Variants in ERBB4 observed in about 807,000 individuals in gnomAD.
The protein encoded by ERBB4 is erb-b2 receptor tyrosine kinase 4.
ERBB4 carries 42 observed loss-of-function variants against 158.0 expected under a neutral mutation model. The observed-to-expected ratio is 0.27, with a 90% CI of 0.21 to 0.34. ERBB4 has a LOEUF of 0.34. Among genes scored for constraint, ERBB4 ranks in the 10% least tolerant of loss-of-function variants. The probability of loss-of-function intolerance (pLI) is 1.00; values close to 1 mark genes in which losing one functional copy is unlikely to be tolerated. For missense variants in ERBB4, 1,333 were observed against 1,624.1 expected (o/e 0.82, Z 3.08); for synonymous variants, 583 against 558.7 (o/e 1.04, Z -0.61).
chr2:211,559,089 G>A (rs1231352743), intron 20 of ERBB4, among the ~76,000 whole-genome samples: 6 of 151,950 alleles, frequency 3.9e-5, no homozygotes, highest in African/African-American at 9.7e-5. Context: ...TCCTACAAAT[G>A]TTCATCCCCC....
intron 2 of ERBB4, among the ~76,000 whole-genome samples, 196 bp from the exon 3 acceptor site, chr2:211,947,812 G>GT (rs1451366557): frequency 6.6e-6 from 1 of 152,196 alleles, no homozygotes; most frequent in African/African-American, 2.4e-5. Context: ...TGAAGTATAA[G>GT]TTGTGTTTCT....
intron 7 of ERBB4, among the ~76,000 whole-genome samples, chr2:211,715,965 T>C (rs187361659): frequency 5.2e-4 from 79 of 152,340 alleles, no homozygotes; most frequent in African/African-American, 1.6e-3. Flanking sequence ...TAGTCTTATA[T>C]CAGTTAGATT....
intron 20 of ERBB4, among the ~76,000 whole-genome samples, chr2:211,475,052 T>C (rs1574562073): frequency 6.6e-6 from 1 of 152,196 alleles, no homozygotes; most frequent in East Asian, 1.9e-4. Context: ...AGACTCATAA[T>C]TGCAATGCAT....
At chr2:211,718,269 T>C (rs57878911) in intron 7 of ERBB4, among the ~76,000 whole-genome samples, 10,339 of 152,128 alleles carry the variant, frequency 0.068, 449 homozygotes, top group African/African-American at 0.11. Context: ...GAACAAAAGG[T>C]GTTATTTAAA....
intron 1 of ERBB4, among the ~76,000 whole-genome samples, chr2:212,382,843 A>G (rs2090553672): frequency 6.6e-6 from 1 of 150,878 alleles, no homozygotes; most frequent in Non-Finnish European, 1.5e-5. Context: ...TTCTTTTTGT[A>G]CTCTTCTTTT....
intron 20 of ERBB4, among the ~76,000 whole-genome samples, chr2:211,444,210 A>T (rs1484843234): frequency 6.8e-6 from 1 of 146,720 alleles, no homozygotes; most frequent in Non-Finnish European, 1.5e-5. Flanking sequence ...TAAGAAAAAC[A>T]TTCTCATAGT....
chr2:211,889,500 C>G (rs1318423206), intron 3 of ERBB4, among the ~76,000 whole-genome samples: 4 of 151,810 alleles, frequency 2.6e-5, no homozygotes, highest in Non-Finnish European at 5.9e-5. Context: ...GCCTCTCCTC[C>G]TCCAAAGGAA....
intron 1 of ERBB4, among the ~76,000 whole-genome samples, chr2:212,265,571 G>T (rs1279446248): frequency 6.6e-6 from 1 of 151,926 alleles, no homozygotes. Context: ...ATATCTTTCA[G>T]TTTTTTTCTT....
At chr2:211,697,825 G>A (rs1325149912) in intron 12 of ERBB4, among the ~76,000 whole-genome samples, 1 of 152,122 alleles carries the variant, frequency 6.6e-6, no homozygotes, top group Non-Finnish European at 1.5e-5. Context: ...GGAAATTAGT[G>A]AGAAAATTTT....
chr2:212,408,113 C>T (rs1338185456), intron 1 of ERBB4, among the ~76,000 whole-genome samples: 3 of 151,718 alleles, frequency 2.0e-5, no homozygotes, highest in African/African-American at 4.8e-5. Context: ...TTCTGAGGTA[C>T]ATGTGCAAGA....
chr2:211,939,938 C>T (rs569480617), intron 3 of ERBB4, among the ~76,000 whole-genome samples: 1,528 of 140,178 alleles, frequency 0.011, 22 homozygotes, highest in South Asian at 0.06. Context: ...CAGAGCAAGA[C>T]TCCGTCTCAA....
chr2:211,823,212 G>A (rs34379058), intron 3 of ERBB4, among the ~76,000 whole-genome samples: 35,177 of 151,804 alleles, frequency 0.23, 4,217 homozygotes, highest in South Asian at 0.33. Context: ...GGATGTTTTT[G>A]GATGAATCAT....
chr2:212,088,700 A>C (rs554856321), intron 2 of ERBB4, among the ~76,000 whole-genome samples: 1 of 152,150 alleles, frequency 6.6e-6, no homozygotes, highest in Non-Finnish European at 1.5e-5. Flanking sequence ...CAGGAACTTG[A>C]GAATCTAACA....
At chr2:211,652,246 CAT>C (rs1322984564) in intron 16 of ERBB4, among the ~76,000 whole-genome samples, 1 of 152,126 alleles carries the variant, frequency 6.6e-6, no homozygotes, top group African/African-American at 2.4e-5. Flanking sequence ...GGACAAAAGT[CAT>C]GTGGAAAAGA....
At chr2:212,471,648 G>A (rs1180654258) in intron 1 of ERBB4, among the ~76,000 whole-genome samples, 4 of 151,858 alleles carry the variant, frequency 2.6e-5, no homozygotes, top group East Asian at 3.9e-4. Flanking sequence ...AAATGAAAAC[G>A]CACAACTTTC....
At chr2:211,908,546 T>C (rs2079458133) in intron 3 of ERBB4, among the ~76,000 whole-genome samples, 1 of 151,780 alleles carries the variant, frequency 6.6e-6, no homozygotes, top group East Asian at 2.0e-4. Context: ...TATATATCGG[T>C]GAGTGTATAC....
At chr2:212,281,823 A>G (rs1445320974) in intron 1 of ERBB4, among the ~76,000 whole-genome samples, 1 of 151,742 alleles carries the variant, frequency 6.6e-6, no homozygotes, top group Non-Finnish European at 1.5e-5. Context: ...TTTTAGGCCT[A>G]TTTACCTTCC....
At chr2:212,396,787 T>A (rs999466025) in intron 1 of ERBB4, among the ~76,000 whole-genome samples, 5 of 152,168 alleles carry the variant, frequency 3.3e-5, no homozygotes, top group Non-Finnish European at 5.9e-5. Flanking sequence ...TTAAAAGAAG[T>A]TCTTTAAACA....
chr2:211,994,716 A>G (rs1436877266), intron 2 of ERBB4, among the ~76,000 whole-genome samples: 2 of 152,178 alleles, frequency 1.3e-5, no homozygotes, highest in African/African-American at 4.8e-5. Context: ...GTACCTATCA[A>G]TCCTCTTTAA....
Sources: allele counts gnomAD v4.1 joint callset (sites outside exome capture counted in the v4.1 genomes callset), GRCh38; gene constraint gnomAD v4.1.1; transcripts MANE v1.5; gene names NCBI Gene and HGNC (gene_info 2026-07-23, HGNC 2026-07-21).